Variants in EYA2 observed in about 807,000 individuals in gnomAD.
EYA2 encodes EYA transcriptional coactivator and phosphatase 2, also known as protein phosphatase EYA2.
In EYA2, 31 loss-of-function variants were observed where a neutral mutation model predicts 69.2. The ratio of observed to expected loss-of-function variants is 0.45; its 90% CI spans 0.34 to 0.60. The LOEUF (loss-of-function observed/expected upper bound fraction) is 0.60. Ranked by LOEUF, EYA2 falls within the 20% of genes least tolerant of loss-of-function variation. The pLI, the probability that EYA2 is intolerant of heterozygous loss-of-function variation, is 0.02. For missense variants in EYA2, 622 were observed against 701.2 expected, an observed-to-expected ratio of 0.89 and a Z score of 1.28; for synonymous variants, 257 against 279.4, an observed-to-expected ratio of 0.92 and a Z score of 0.80.
intron 12 of EYA2, among the ~76,000 whole-genome samples, chr20:47,176,076 CTT>C (rs35654076): frequency 0.35 from 39,133 of 111,208 alleles, 4,842 homozygotes; most frequent in Non-Finnish European, 0.41. Context: ...CACTTAAATT[CTT>C]TTTTTTTTTT....
intron 5 of EYA2, among the ~76,000 whole-genome samples, chr20:47,062,137 G>A (rs913588772): frequency 3.3e-5 from 5 of 152,174 alleles, no homozygotes; most frequent in African/African-American, 7.2e-5. Context: ...ACGTGATGAC[G>A]TGATGAGGAA....
intron 5 of EYA2, among the ~76,000 whole-genome samples, chr20:47,037,480 A>G (rs1284628840): frequency 6.6e-6 from 1 of 152,248 alleles, no homozygotes; most frequent in Non-Finnish European, 1.5e-5. Context: ...GACTTCTATA[A>G]CAAATTACCA....
At chr20:47,101,280 TCTCA>T (rs1248306135) in intron 9 of EYA2, among the ~76,000 whole-genome samples, 1 of 152,150 alleles carries the variant, frequency 6.6e-6, no homozygotes, top group East Asian at 1.9e-4. Flanking sequence ...AGAGATGGGA[TCTCA>T]CTGTGTTGCC....
At chr20:46,936,696 C>T (rs1985923562) in intron 1 of EYA2, among the ~76,000 whole-genome samples, 1 of 152,132 alleles carries the variant, frequency 6.6e-6, no homozygotes, top group African/African-American at 2.4e-5. Context: ...CTTCTCCCAG[C>T]AGAACAGGAG....
chr20:46,987,316 CCTT>C (rs1981295091), intron 1 of EYA2, among the ~76,000 whole-genome samples: 1 of 152,132 alleles, frequency 6.6e-6, no homozygotes, highest in African/African-American at 2.4e-5. Flanking sequence ...GAAATAGTAT[CCTT>C]CTTTTGATTA....
At chr20:46,929,152 CAAAAAAA>C (rs11329475) in intron 1 of EYA2, among the ~76,000 whole-genome samples, 13 of 98,330 alleles carry the variant, frequency 1.3e-4, no homozygotes, top group African/African-American at 2.6e-4. Context: ...ATAAGTTGTG[CAAAAAAA>C]AAAAAAAAAA....
At chr20:47,078,331 G>GA (rs1555821935) in intron 7 of EYA2, among the ~76,000 whole-genome samples, 1 of 123,734 alleles carries the variant, frequency 8.1e-6, no homozygotes, top group Admixed American at 7.9e-5. Flanking sequence ...GCGCGCGCGC[G>GA]CACACACACA....
At chr20:46,905,358 C>T (rs1232448967) in intron 1 of EYA2, among the ~76,000 whole-genome samples, 1 of 152,180 alleles carries the variant, frequency 6.6e-6, no homozygotes. Context: ...AACAAGGTCA[C>T]AAACAATCAT....
At chr20:47,034,513 G>A (rs1031664649) in intron 5 of EYA2, among the ~76,000 whole-genome samples, 2 of 152,162 alleles carry the variant, frequency 1.3e-5, no homozygotes, top group African/African-American at 4.8e-5. Context: ...CTTAGAGAGG[G>A]GATGTGCTTT....
chr20:46,906,264 T>C (rs1474977446), intron 1 of EYA2, among the ~76,000 whole-genome samples: 1 of 152,232 alleles, frequency 6.6e-6, no homozygotes, highest in East Asian at 1.9e-4. Flanking sequence ...ACGAATCTGA[T>C]GATGTGAAGC....
chr20:47,131,091 A>G (rs1204587244), intron 9 of EYA2, among the ~76,000 whole-genome samples: 2 of 151,646 alleles, frequency 1.3e-5, no homozygotes, highest in Non-Finnish European at 3.0e-5. Context: ...CTCCATCTCA[A>G]GAAAAAAAAA....
intron 5 of EYA2, among the ~76,000 whole-genome samples, chr20:47,034,733 A>G (rs773606702): frequency 1.3e-5 from 2 of 152,222 alleles, no homozygotes; most frequent in African/African-American, 4.8e-5. Context: ...TTTGAAGAAT[A>G]TAAGTTTATT....
intron 2 of EYA2, among the ~76,000 whole-genome samples, chr20:46,998,695 A>G (rs1299744111): frequency 1.3e-5 from 2 of 152,128 alleles, no homozygotes; most frequent in African/African-American, 2.4e-5. Flanking sequence ...CACCCTAACC[A>G]TGGAGAAAGG....
intron 9 of EYA2, among the ~76,000 whole-genome samples, chr20:47,102,404 G>T (rs193076177): frequency 6.6e-6 from 1 of 152,220 alleles, no homozygotes; most frequent in Non-Finnish European, 1.5e-5. Context: ...TTCCAGAAGA[G>T]TATGAAGGCC....
At chr20:47,106,659 A>G (rs1428505966) in intron 9 of EYA2, among the ~76,000 whole-genome samples, 1 of 151,990 alleles carries the variant, frequency 6.6e-6, no homozygotes, top group Admixed American at 6.6e-5. Context: ...CTATGGTCCT[A>G]TCTGCCTGAC....
chr20:46,994,551 C>G (rs142989914), intron 2 of EYA2, among the ~76,000 whole-genome samples: 1 of 152,310 alleles, frequency 6.6e-6, no homozygotes, highest in East Asian at 1.9e-4. Flanking sequence ...GACAAGACCT[C>G]ATTTTCAGTT....
chr20:46,904,937 A>C (rs533717686), intron 1 of EYA2, among the ~76,000 whole-genome samples: 237 of 152,300 alleles, frequency 1.6e-3, no homozygotes, highest in Middle Eastern at 6.8e-3. Context: ...CTCCTACTGC[A>C]TAAAGTGGTG....
At chr20:47,135,903 A>G (rs750589794) in intron 9 of EYA2, among the ~76,000 whole-genome samples, 27 of 150,654 alleles carry the variant, frequency 1.8e-4, no homozygotes, top group Non-Finnish European at 4.0e-4. Flanking sequence ...GTGCAAGCCT[A>G]TAATCCTAGC....
At chr20:47,162,882 C>T (rs565574961) in intron 10 of EYA2, among the ~76,000 whole-genome samples, 1 of 152,074 alleles carries the variant, frequency 6.6e-6, no homozygotes, top group Non-Finnish European at 1.5e-5. Flanking sequence ...AGCCCAATCC[C>T]AGTGACTCCC....
Sources: allele counts gnomAD v4.1 joint callset (sites outside exome capture counted in the v4.1 genomes callset), GRCh38; gene constraint gnomAD v4.1.1; transcripts MANE v1.5; gene names NCBI Gene and HGNC (gene_info 2026-07-23, HGNC 2026-07-21).